CCSER2: variants seen among roughly 807,000 people sequenced by gnomAD.
CCSER2 encodes serine-rich coiled-coil domain-containing protein 2.
A neutral mutation model predicts 92.3 loss-of-function variants in CCSER2; 46 were observed. That is an observed-to-expected ratio of 0.50 (90% CI 0.39 to 0.64). The LOEUF is 0.64. CCSER2 is among the 30% of genes least tolerant of loss of function. The pLI, the probability that CCSER2 is intolerant of heterozygous loss-of-function variation, is 0.00. For synonymous variants in CCSER2, 433 were observed against 431.4 expected (o/e 1.00, Z -0.04); for missense variants, 1,244 against 1,238.9 (o/e 1.00, Z -0.06).
intron 3 of CCSER2, among the ~76,000 whole-genome samples, chr10:84,380,466 G>A (rs2133209436): frequency 6.6e-6 from 1 of 152,060 alleles, no homozygotes; most frequent in African/African-American, 2.4e-5. Context: ...TTTTGCTTTT[G>A]ACAATTAAAT....
intron 1 of CCSER2, among the ~76,000 whole-genome samples, chr10:84,336,802 ATAATGAGATTATT>A (rs1178063158): frequency 6.6e-6 from 1 of 152,092 alleles, no homozygotes; most frequent in African/African-American, 2.4e-5. Context: ...GGGGTGGCGC[ATAATGAGATTATT>A]TAGCAGGCGC....
At chr10:84,408,510 C>G (rs970917476) in intron 3 of CCSER2, among the ~76,000 whole-genome samples, 4 of 151,524 alleles carry the variant, frequency 2.6e-5, no homozygotes, top group African/African-American at 9.7e-5. Flanking sequence ...TTTTTAGTAA[C>G]TTCATAGAGT....
chr10:84,484,378 G>A (rs1314498434), intron 9 of CCSER2, among the ~76,000 whole-genome samples: 2 of 152,032 alleles, frequency 1.3e-5, no homozygotes, highest in Non-Finnish European at 2.9e-5. Context: ...CTCCCAAAGT[G>A]CTGGGACCAC....
chr10:84,365,793 G>A (rs750418150), intron 1 of CCSER2, among the ~76,000 whole-genome samples: 8 of 152,186 alleles, frequency 5.3e-5, no homozygotes, highest in Non-Finnish European at 1.0e-4. Flanking sequence ...TGGTCTACTT[G>A]TGACAGGCGG....
chr10:84,483,650 A>G (rs1007330105), intron 9 of CCSER2, among the ~76,000 whole-genome samples: 1 of 152,010 alleles, frequency 6.6e-6, no homozygotes, highest in Non-Finnish European at 1.5e-5. Context: ...GCTAACCAAA[A>G]GACAGTGCAG....
At chr10:84,376,299 G>T (rs1846334569) in intron 3 of CCSER2, among the ~76,000 whole-genome samples, 1 of 152,070 alleles carries the variant, frequency 6.6e-6, no homozygotes, top group Non-Finnish European at 1.5e-5. Context: ...AGAGAATTTT[G>T]ATAAATTTGT....
At position 84,505,683 on chromosome 10, in the gene CCSER2, G is replaced by A. The variant is rs745645139; in HGVS notation, c.2326-7766G>A. Reference sequence around the variant, plus strand: ...CAAATATGGTATTTTGTACCTTTTCGCAGCCAATTTCAAGGACTATCTAGT... The same window carrying A: ...CAAATATGGTATTTTGTACCTTTTCACAGCCAATTTCAAGGACTATCTAGT... On this transcript the variant is annotated intron_variant, in intron 9 of 9. Transcript: ENST00000372088. Among the ~76,000 whole-genome samples the A allele has an allele frequency of 9.2e-5, 14 of 151,618 alleles. No homozygotes were observed. In the East Asian group the frequency reaches 1.8e-3, roughly 19 times the overall value.
chr10:84,343,848 A>C (rs376719766), intron 1 of CCSER2, among the ~76,000 whole-genome samples: 1 of 152,200 alleles, frequency 6.6e-6, no homozygotes, highest in South Asian at 2.1e-4. Context: ...ATGACAGTAA[A>C]AGAGCAGTTA....
chr10:84,354,430 A>C (rs1845044479), intron 1 of CCSER2, among the ~76,000 whole-genome samples: 1 of 152,062 alleles, frequency 6.6e-6, no homozygotes, highest in African/African-American at 2.4e-5. Context: ...TTTGGTTCTT[A>C]GTTTACTTAT....
intron 3 of CCSER2, among the ~76,000 whole-genome samples, chr10:84,412,063 T>A (rs1456754208): frequency 6.6e-6 from 1 of 152,232 alleles, no homozygotes; most frequent in Non-Finnish European, 1.5e-5. Flanking sequence ...TTTATTGAGA[T>A]AGTCATGTGG....
intron 1 of CCSER2, among the ~76,000 whole-genome samples, chr10:84,339,811 C>T (rs1179508127): frequency 6.6e-6 from 1 of 150,540 alleles, no homozygotes; most frequent in African/African-American, 2.4e-5. Context: ...TTCATCTTCT[C>T]AGCCTTCTCA....
At position 84,510,875 on chromosome 10, in the gene CCSER2, C is replaced by T. The variant is rs149712740; in HGVS notation, c.2326-2574C>T. ...CCAGGAGCAAGTTGTTTCCTTGTTC[C>T]TCACATTATAGGTGTTTCTTATTCC... is the stretch of plus-strand genomic sequence containing the variant. On this transcript the variant is annotated intron_variant, in intron 9 of 9. Transcript: ENST00000372088. 2.4e-3 allele frequency among the ~76,000 whole-genome samples: 360 copies of T among 152,238 alleles called. 1 individual carries two copies. Among genetic ancestry groups the T allele is most frequent in the African/African-American group, 8.3e-3 (344 of 41,526 alleles).
chr10:84,396,185 C>CTGTGTGTGTGTGTGTGTGTG (rs11467455), intron 3 of CCSER2, among the ~76,000 whole-genome samples: 1 of 145,750 alleles, frequency 6.9e-6, no homozygotes, highest in Non-Finnish European at 1.5e-5. Context: ...TTATTCAACA[C>CTGTGTGTGTGTGTGTGTGTG]TGTGTGTGTG....
chr10:84,405,252 C>G (rs777292917), intron 3 of CCSER2, among the ~76,000 whole-genome samples: 6 of 151,874 alleles, frequency 4.0e-5, no homozygotes, highest in Non-Finnish European at 8.8e-5. Flanking sequence ...TTGTTGGAAC[C>G]ATTTGATCGT....
intron 6 of CCSER2, among the ~76,000 whole-genome samples, chr10:84,460,757 G>T (rs1307057454): frequency 1.3e-5 from 2 of 152,098 alleles, no homozygotes; most frequent in African/African-American, 4.8e-5. Context: ...AAATTTGTGT[G>T]TGTAGAGTCA....
At chr10:84,490,875 C>A (rs1386009935) in intron 9 of CCSER2, among the ~76,000 whole-genome samples, 3 of 152,164 alleles carry the variant, frequency 2.0e-5, no homozygotes, top group Non-Finnish European at 4.4e-5. Flanking sequence ...GTGGTTTTAT[C>A]TACCTTTGGT....
chr10:84,457,280 T>TATATATAACATATTATATATA (rs1415390989), intron 6 of CCSER2, among the ~76,000 whole-genome samples: 12 of 18,278 alleles, frequency 6.6e-4, no homozygotes, highest in Admixed American at 1.1e-3. Context: ...TATAATATAT[T>TATATATAACATATTATATATA]ATATATTATA....
At chr10:84,485,108 G>T (rs759595409) in intron 9 of CCSER2, among the ~76,000 whole-genome samples, 1 of 152,138 alleles carries the variant, frequency 6.6e-6, no homozygotes, top group African/African-American at 2.4e-5. Flanking sequence ...GTGATAAGAA[G>T]TTGCAAAAAA....
At position 84,495,380 on chromosome 10, in the gene CCSER2, A is replaced by G. The variant is rs184203810; in HGVS notation, c.2325+17716A>G. 8.9e-4 allele frequency among the ~76,000 whole-genome samples: 136 copies of G among 152,260 alleles called. 1 individual carries two copies. The highest frequency in any genetic ancestry group is 3.1e-3 in the African/African-American group (127 of 41,552). On this transcript the variant is annotated intron_variant, in intron 9 of 9. Coordinates refer to ENST00000372088, the MANE Select transcript of CCSER2 (RefSeq NM_001284240.2). ...TGTGGTTTGTCTTGTGGCCCAAACTATGGTCTGTCTTGGTAAATGTTCTGT... is the reference window on the plus strand; with the variant it reads ...TGTGGTTTGTCTTGTGGCCCAAACTGTGGTCTGTCTTGGTAAATGTTCTGT...
Sources: gnomAD v4.1 joint callset for allele counts (sites outside exome capture counted in the v4.1 genomes callset) on GRCh38, gnomAD v4.1.1 for gene constraint, MANE v1.5 for transcripts, NCBI Gene and HGNC (gene_info 2026-07-23, HGNC 2026-07-21) for gene names.